The following PCNX1 variants were observed in gnomAD, a reference collection of about 807,000 sequenced individuals.
PCNX1 encodes the protein pecanex-like protein 1.
Under a neutral mutation model 242.2 loss-of-function variants are expected in PCNX1, and 78 were observed. The observed-to-expected ratio is 0.32, with a 90% CI of 0.27 to 0.39. The LOEUF is 0.39. PCNX1 is among the 10% of genes least tolerant of loss of function. PCNX1 has a pLI of 1.00. For synonymous variants in PCNX1, 1,024 were observed against 1,032.9 expected, an observed-to-expected ratio of 0.99 and a Z score of 0.17; for missense variants, 2,581 against 2,856.5, an observed-to-expected ratio of 0.90 and a Z score of 2.20.
chr14:71,062,300 A>G (rs2061345064), intron 26 of PCNX1, among the ~76,000 whole-genome samples: 1 of 152,076 alleles, frequency 6.6e-6, no homozygotes, highest in Non-Finnish European at 1.5e-5. Flanking sequence ...GTGTAGGTGG[A>G]AGCCAGTGAT....
chr14:71,026,218 C>G lies in PCNX1; in HGVS notation c.3285C>G (p.Thr1095=), dbSNP rs1353892251. Residue 1095 remains threonine, a synonymous_variant, in exon 14 of 36, where the codon ACC becomes ACG. Transcript: ENST00000304743. ...ATGGTAGCAGAAACCTGACTGCAAC[C>G]AAGTTCAAATTATATGGAATAACTT... The part of the protein sequence containing the change: ...LDYGSRNLTA[T]KFKLYGITFT... 4 of 1,611,748 alleles carry G rather than the reference C, an allele frequency of 2.5e-6. No individual in the cohort carries two copies. The highest frequency in any genetic ancestry group is 3.4e-6 in the Non-Finnish European group (4 of 1,178,628).
At position 71,109,479 on chromosome 14, in the gene PCNX1, G is replaced by A; in HGVS notation, c.6772G>A (p.Gly2258Arg). 2 of 1,613,298 alleles carry A rather than the reference G, an allele frequency of 1.2e-6. No homozygotes were observed. Among genetic ancestry groups the A allele is most frequent in the Non-Finnish European group, 1.7e-6 (2 of 1,179,452 alleles). The change falls in exon 35 of 36, where the codon GGG becomes AGG. Residue 2258 changes from glycine to arginine, a missense_variant. Around this residue, in one of 9 missense-constraint regions of PCNX1, gnomAD observed 432 missense variants for 433.6 expected, o/e 1.00. Coordinates refer to ENST00000304743, the MANE Select transcript of PCNX1 (RefSeq NM_014982.3). ...TGTGGATCCCAGTCAAATTCTGGAA[G>A]GGATCAACCTGTCTAAAAGGAAAGA... ...QIVDPSQILE[G>R]INLSKRKELQ...
intron 30 of PCNX1, among the ~76,000 whole-genome samples, chr14:71,095,568 G>C (rs1210196692): frequency 6.6e-6 from 1 of 152,110 alleles, no homozygotes; most frequent in African/African-American, 2.4e-5. Context: ...ATCGTTGCCA[G>C]TAATTTGATA....
chr14:70,959,598 ATG>A (rs2058130441), intron 2 of PCNX1, among the ~76,000 whole-genome samples: 1 of 151,324 alleles, frequency 6.6e-6, no homozygotes, highest in Admixed American at 6.6e-5. Flanking sequence ...CATGGTGTAT[ATG>A]TGCCACATTT....
At chr14:70,938,930 G>A (rs1240993771) in intron 1 of PCNX1, among the ~76,000 whole-genome samples, 1 of 152,150 alleles carries the variant, frequency 6.6e-6, no homozygotes, top group Non-Finnish European at 1.5e-5. Context: ...CGTGTTTATG[G>A]TATTCTCTGA....
intron 28 of PCNX1, among the ~76,000 whole-genome samples, chr14:71,081,785 A>G (rs72724357): frequency 0.13 from 20,096 of 151,602 alleles, 1,708 homozygotes; most frequent in South Asian, 0.26. Flanking sequence ...CTAGCAGTCT[A>G]TTTGTTGATC....
At chr14:70,967,910 A>G (rs114194573) in intron 3 of PCNX1, among the ~76,000 whole-genome samples, 1,980 of 152,200 alleles carry the variant, frequency 0.013, 27 homozygotes, top group African/African-American at 0.034. Context: ...GTATGACATG[A>G]GTTGCTTGAG....
At chr14:70,986,435 T>C (rs1476120974) in intron 6 of PCNX1, among the ~76,000 whole-genome samples, 1 of 152,126 alleles carries the variant, frequency 6.6e-6, no homozygotes, top group African/African-American at 2.4e-5. Context: ...ATATAAATGG[T>C]GTATTACTAG....
intron 2 of PCNX1, among the ~76,000 whole-genome samples, chr14:70,948,737 G>GTA (rs1403663352): frequency 7.0e-6 from 1 of 142,040 alleles, no homozygotes; most frequent in East Asian, 2.1e-4. Context: ...ACATATATAT[G>GTA]TGTATATGTA....
At chr14:71,054,457 G>A (rs1446371051) in intron 24 of PCNX1, among the ~76,000 whole-genome samples, 1 of 152,170 alleles carries the variant, frequency 6.6e-6, no homozygotes, top group Non-Finnish European at 1.5e-5. Context: ...GCTTATGGTG[G>A]TAGATAGGAG....
intron 1 of PCNX1, among the ~76,000 whole-genome samples, chr14:70,946,408 T>C (rs543203595): frequency 6.6e-6 from 1 of 152,310 alleles, no homozygotes; most frequent in African/African-American, 2.4e-5. Context: ...TCTTCACATA[T>C]ACTGTAATGT....
intron 9 of PCNX1, among the ~76,000 whole-genome samples, chr14:71,010,975 CAGT>C (rs1358332388): frequency 6.6e-6 from 1 of 152,028 alleles, no homozygotes; most frequent in East Asian, 1.9e-4. Context: ...ACAATGGAAA[CAGT>C]AGGAGGAGGG....
intron 1 of PCNX1, among the ~76,000 whole-genome samples, chr14:70,926,652 A>G (rs957514162): frequency 2.0e-5 from 3 of 152,066 alleles, no homozygotes; most frequent in Middle Eastern, 3.2e-3. Context: ...TTAAGTGTCA[A>G]CGGTGCCCAC....
At chr14:71,064,317 T>C (rs929852625) in intron 26 of PCNX1, among the ~76,000 whole-genome samples, 2 of 152,180 alleles carry the variant, frequency 1.3e-5, no homozygotes, top group African/African-American at 4.8e-5. Flanking sequence ...AATATATTAG[T>C]AGGGCATATT....
At chr14:71,006,310 C>T (rs2059666593) in intron 8 of PCNX1, among the ~76,000 whole-genome samples, 1 of 151,970 alleles carries the variant, frequency 6.6e-6, no homozygotes, top group African/African-American at 2.4e-5. Flanking sequence ...GTGTATGTGT[C>T]TTTAGAGATG....
At chr14:71,103,278 C>A in intron 31 of PCNX1, 117 bp from the exon 32 acceptor site, 1 of 1,160,368 alleles carries the variant, frequency 8.6e-7, no homozygotes, top group Non-Finnish European at 1.2e-6. Flanking sequence ...ATTTGTTCCC[C>A]GCTTTTCACA....
chr14:70,991,296 C>T (rs2059158482), intron 7 of PCNX1, among the ~76,000 whole-genome samples: 1 of 151,480 alleles, frequency 6.6e-6, no homozygotes, highest in Admixed American at 6.6e-5. Context: ...CCTCCGCCTC[C>T]TGGGTTCAAG....
intron 1 of PCNX1, among the ~76,000 whole-genome samples, chr14:70,939,689 A>T (rs989796500): frequency 6.6e-6 from 1 of 152,050 alleles, no homozygotes; most frequent in African/African-American, 2.4e-5. Context: ...GATATCCTTG[A>T]TCACTTTCTG....
chr14:71,046,382 A>G (rs2060861735), intron 20 of PCNX1, among the ~76,000 whole-genome samples: 2 of 152,036 alleles, frequency 1.3e-5, no homozygotes, highest in Non-Finnish European at 2.9e-5. Context: ...TCATTTTGAC[A>G]TTTATAGTAC....
Sources: allele counts gnomAD v4.1 joint callset (sites outside exome capture counted in the v4.1 genomes callset), GRCh38; gene constraint gnomAD v4.1.1; regional missense constraint gnomAD v4.1.1; transcripts MANE v1.5; gene names NCBI Gene and HGNC (gene_info 2026-07-23, HGNC 2026-07-21).